ARHGEF33: variants seen among roughly 807,000 people sequenced by gnomAD.
ARHGEF33 encodes the protein DH and coiled-coil domain-containing protein ENSP00000381780.
A neutral mutation model predicts 101.9 loss-of-function variants in ARHGEF33; 72 were observed. That is an observed-to-expected ratio of 0.71 (90% CI 0.58 to 0.86). ARHGEF33 has a LOEUF of 0.86. ARHGEF33 is among the 40% of genes least tolerant of loss of function. The pLI is 0.00. For missense variants in ARHGEF33, 1,169 were observed against 1,111.3 expected (o/e 1.05, Z -0.74); for synonymous variants, 499 against 442.5 (o/e 1.13, Z -1.60).
chr2:38,923,469 A>G (rs1036975935), intron 4 of ARHGEF33, among the ~76,000 whole-genome samples: 1 of 152,148 alleles, frequency 6.6e-6, no homozygotes, highest in Non-Finnish European at 1.5e-5. Flanking sequence ...TATTTTCTGG[A>G]TAGATCTTAT....
At chr2:38,895,314 G>C (rs114196005) in intron 1 of ARHGEF33, among the ~76,000 whole-genome samples, 1 of 152,228 alleles carries the variant, frequency 6.6e-6, no homozygotes, top group East Asian at 1.9e-4. Flanking sequence ...TTCAATTGGC[G>C]CTTAAAGAAA....
intron 2 of ARHGEF33, among the ~76,000 whole-genome samples, chr2:38,914,130 A>G (rs1483435158): frequency 6.6e-6 from 1 of 152,248 alleles, no homozygotes; most frequent in African/African-American, 2.4e-5. Context: ...GGAGAAAGGT[A>G]TTCAGGCAAT....
intron 2 of ARHGEF33, among the ~76,000 whole-genome samples, chr2:38,912,298 A>G (rs1415941918): frequency 1.3e-5 from 2 of 152,244 alleles, no homozygotes; most frequent in Non-Finnish European, 2.9e-5. Flanking sequence ...TTCAAGGGCT[A>G]TCAAGGGCAC....
At chr2:38,958,323 C>A in intron 15 of ARHGEF33, 125 bp downstream of exon 15, 1 of 1,222,426 alleles carries the variant, frequency 8.2e-7, no homozygotes, top group Non-Finnish European at 1.1e-6. Context: ...ATGTGCCAAC[C>A]AAGCAGCCAA....
chr2:38,964,484 T>C (rs1293087994), intron 16 of ARHGEF33, among the ~76,000 whole-genome samples: 2 of 151,484 alleles, frequency 1.3e-5, no homozygotes, highest in African/African-American at 4.9e-5. Flanking sequence ...TTGCAGCCAC[T>C]CCCCAGCATT....
chr2:38,923,508 T>C (rs1666805734), intron 4 of ARHGEF33, among the ~76,000 whole-genome samples: 3 of 152,180 alleles, frequency 2.0e-5, no homozygotes, highest in South Asian at 2.1e-4. Flanking sequence ...ATGTATCACC[T>C]TGTTTGTTTT....
intron 13 of ARHGEF33, 23 bp downstream of exon 13, chr2:38,954,479 C>G (rs1428985244): frequency 7.0e-7 from 1 of 1,434,574 alleles, no homozygotes; most frequent in Non-Finnish European, 9.6e-7. Flanking sequence ...GGGAAAGCCA[C>G]CAAACTGATT....
At chr2:38,906,203 A>AT (rs1461477018) in intron 2 of ARHGEF33, among the ~76,000 whole-genome samples, 17 of 151,906 alleles carry the variant, frequency 1.1e-4, no homozygotes, top group African/African-American at 3.9e-4. Flanking sequence ...AAAAAAAAAA[A>AT]AAAGAAAAAA....
intron 1 of ARHGEF33, among the ~76,000 whole-genome samples, chr2:38,895,037 T>A (rs1205666339): frequency 6.6e-6 from 1 of 152,186 alleles, no homozygotes; most frequent in African/African-American, 2.4e-5. Context: ...GGCCTCTTGA[T>A]AAAGTGACAA....
rs1414209256 is a variant in ARHGEF33 at position 38,959,831 on chromosome 2, C to T, written c.1536-10C>T. On this transcript the variant is annotated splice_polypyrimidine_tract_variant and intron_variant, in intron 15 of 17. Coordinates refer to ENST00000409978, the MANE Select transcript of ARHGEF33 (RefSeq NM_001145451.5). The stretch of plus-strand genomic sequence containing the variant: ...GCACAGCTCTTTTGTACTCTGTTTT[C>T]CCCCTAAAGACATCTGATGCCCCCA... The T allele has an allele frequency of 6.5e-7, 1 of 1,536,942 alleles. No individual in the cohort carries two copies. The highest frequency in any genetic ancestry group is 1.2e-5 in the South Asian group (1 of 82,026).
chr2:38,906,894 G>A (rs1426899782), intron 2 of ARHGEF33, among the ~76,000 whole-genome samples: 1 of 151,930 alleles, frequency 6.6e-6, no homozygotes, highest in Non-Finnish European at 1.5e-5. Context: ...GGAGGTCAAG[G>A]CTGCAGTGAG....
At chr2:38,959,677 TG>T in intron 15 of ARHGEF33, 163 bp from the exon 16 acceptor site, 1 of 730,314 alleles carries the variant, frequency 1.4e-6, no homozygotes, top group Non-Finnish European at 2.2e-6. Context: ...ACTCTCCGCC[TG>T]GGAACGGGGG....
rs148777162 is a variant in ARHGEF33 at position 38,915,684 on chromosome 2, T to G, written c.-85-3679T>G. Among the ~76,000 whole-genome samples the G allele has an allele frequency of 6.7e-3, 1,023 of 152,278 alleles. 14 individuals carry two copies. Among genetic ancestry groups the G allele is most frequent in the African/African-American group, 0.022 (933 of 41,554 alleles). ...ACCATGCCTGGCCTCTAATGTAGTT[T>G]TGTTGCTTTTGTAATTTACTAAATA... On this transcript the variant is annotated intron_variant, in intron 2 of 17. Transcript: ENST00000409978.
chr2:38,908,215 T>G (rs771748640), intron 2 of ARHGEF33, among the ~76,000 whole-genome samples: 5 of 151,916 alleles, frequency 3.3e-5, no homozygotes, highest in African/African-American at 4.8e-5. Context: ...AGAGAATCTG[T>G]TTGAAAGATT....
chr2:38,955,012 C>A (rs1287823093), intron 13 of ARHGEF33, among the ~76,000 whole-genome samples: 1 of 152,160 alleles, frequency 6.6e-6, no homozygotes, highest in African/African-American at 2.4e-5. Context: ...GCAACTTCCA[C>A]CTCAGCTGAT....
At position 38,929,722 on chromosome 2, in the gene ARHGEF33, A is replaced by T; in HGVS notation, c.254A>T (p.Asn85Ile). ...CTTATTTTTTAGGAAGAGCTGAGCA[A>T]TGCCATGTCGATGATCCAAGCCATC... ...SLNYFKEELSNAMSMIQAITS... is the reference protein window; with the variant it reads ...SLNYFKEELSIAMSMIQAITS... Residue 85 changes from asparagine (N) to isoleucine (I), a missense_variant, in exon 6 of 18, where the codon AAT (asparagine) becomes ATT (isoleucine). Physicochemically the swap from Asn to Ile is moderately radical, Grantham distance 149. Transcript: ENST00000409978. The T allele has an allele frequency of 1.3e-6, 2 of 1,552,030 alleles. No homozygotes were observed. Among genetic ancestry groups the T allele is most frequent in the South Asian group, 2.4e-5 (2 of 84,056 alleles).
chr2:38,907,457 A>G (rs1666417104), intron 2 of ARHGEF33, among the ~76,000 whole-genome samples: 1 of 152,208 alleles, frequency 6.6e-6, no homozygotes, highest in African/African-American at 2.4e-5. Flanking sequence ...CAGGAGGGGC[A>G]GCAGTAACCT....
At chr2:38,946,324 G>T (rs1437585905) in intron 10 of ARHGEF33, among the ~76,000 whole-genome samples, 2 of 151,334 alleles carry the variant, frequency 1.3e-5, no homozygotes, top group African/African-American at 2.4e-5. Context: ...AATCCTACGA[G>T]ATTGAAAAAT....
chr2:38,939,896 C>G (rs1254519982), intron 9 of ARHGEF33, among the ~76,000 whole-genome samples: 1 of 152,200 alleles, frequency 6.6e-6, no homozygotes, highest in Non-Finnish European at 1.5e-5. Context: ...TGTGAAGGTA[C>G]TCTGGTATGC....
Sources: allele counts gnomAD v4.1 joint callset (sites outside exome capture counted in the v4.1 genomes callset), GRCh38; gene constraint gnomAD v4.1.1; transcripts MANE v1.5; gene names NCBI Gene and HGNC (gene_info 2026-07-23, HGNC 2026-07-21).